RBFOX1: variants seen among roughly 807,000 people sequenced by gnomAD.
RBFOX1 encodes RNA binding fox-1 homolog 1.
A neutral mutation model predicts 57.7 loss-of-function variants in RBFOX1; 8 were observed. That is an observed-to-expected ratio of 0.14 (90% confidence interval 0.08 to 0.25). The LOEUF (loss-of-function observed/expected upper bound fraction) is 0.25. RBFOX1 is among the 10% of genes least tolerant of loss of function. RBFOX1 has a pLI of 1.00. For missense variants in RBFOX1, 611 were observed against 548.5 expected (o/e 1.11, Z -1.14); for synonymous variants, 326 against 222.4 (o/e 1.47, Z -4.15).
chr16:5,423,218 C>G (rs906264003), intron 1 of RBFOX1, among the ~76,000 whole-genome samples: 2 of 151,988 alleles, frequency 1.3e-5, no homozygotes, highest in Non-Finnish European at 2.9e-5. Flanking sequence ...CTCCGCTTCC[C>G]CCAAGGTGAC....
intron 3 of RBFOX1, among the ~76,000 whole-genome samples, chr16:6,768,181 A>C (rs1456304977): frequency 6.6e-6 from 1 of 152,002 alleles, no homozygotes; most frequent in Non-Finnish European, 1.5e-5. Context: ...TGGGCAATAG[A>C]GCTAGACTCC....
intron 1 of RBFOX1, among the ~76,000 whole-genome samples, chr16:6,131,959 T>G (rs1190394561): frequency 6.6e-6 from 1 of 152,208 alleles, no homozygotes; most frequent in African/African-American, 2.4e-5. Flanking sequence ...AAGCTTTGCT[T>G]AAAACTGATC....
intron 5 of RBFOX1, among the ~76,000 whole-genome samples, chr16:7,518,692 T>G (rs2076911065): frequency 6.6e-6 from 1 of 151,416 alleles, no homozygotes; most frequent in African/African-American, 2.4e-5. Context: ...CTCATTTTTT[T>G]GGAAAAAAAA....
chr16:5,329,794 T>C (rs966077030), intron 1 of RBFOX1, among the ~76,000 whole-genome samples: 2 of 152,036 alleles, frequency 1.3e-5, no homozygotes, highest in East Asian at 1.9e-4. Context: ...GGTCAGGAGA[T>C]CGAGACCATC....
intron 3 of RBFOX1, among the ~76,000 whole-genome samples, chr16:6,824,945 C>A (rs1442905581): frequency 7.1e-6 from 1 of 141,832 alleles, no homozygotes; most frequent in Non-Finnish European, 1.5e-5. Flanking sequence ...TTAAGTGCAT[C>A]CTTCTACACT....
intron 3 of RBFOX1, among the ~76,000 whole-genome samples, chr16:5,667,522 G>A (rs760628726): frequency 3.5e-4 from 54 of 152,212 alleles, no homozygotes; most frequent in Non-Finnish European, 6.6e-4. Context: ...AGTGAGCGAG[G>A]TCCATTAGTT....
chr16:7,034,196 T>G (rs570790347), intron 3 of RBFOX1, among the ~76,000 whole-genome samples: 179 of 152,242 alleles, frequency 1.2e-3, no homozygotes, highest in South Asian at 2.1e-3. Context: ...TGGCTCTGGT[T>G]TTTCCTAACT....
At chr16:5,274,277 T>TC (rs2151131431) in intron 1 of RBFOX1, among the ~76,000 whole-genome samples, 1 of 152,242 alleles carries the variant, frequency 6.6e-6, no homozygotes, top group African/African-American at 2.4e-5. Context: ...GCCTGTAATC[T>TC]CAGCCCTTTG....
chr16:6,101,277 G>C (rs942432491), intron 1 of RBFOX1, among the ~76,000 whole-genome samples: 2 of 151,986 alleles, frequency 1.3e-5, no homozygotes, highest in African/African-American at 4.8e-5. Flanking sequence ...TAGGCCTCTG[G>C]GTCTCCATCC....
rs140517229 is a variant in RBFOX1, at chr16:7,023,141, C to G, written c.-15-28916C>G. On this transcript the variant is annotated intron_variant, in intron 3 of 15. Transcript: ENST00000550418. ...CTGAGTAAATTCAAAGAAAATAAAA[C>G]ACATAGTGGGAGGCTGCAGAAGGAG... is the stretch of plus-strand genomic sequence containing the variant. Among the ~76,000 whole-genome samples the G allele has an allele frequency of 3.9e-4, 59 of 152,148 alleles. 1 individual carries two copies. The East Asian group carries it at 8.7e-3, about 22-fold the overall frequency.
intron 1 of RBFOX1, among the ~76,000 whole-genome samples, chr16:5,272,991 A>G (rs1321465952): frequency 6.6e-6 from 1 of 152,080 alleles, no homozygotes; most frequent in East Asian, 1.9e-4. Context: ...TATTCTTTAA[A>G]CTTTCAAACT....
At chr16:7,591,701 G>C (rs559840728) in intron 7 of RBFOX1, among the ~76,000 whole-genome samples, 10 of 152,162 alleles carry the variant, frequency 6.6e-5, no homozygotes, top group South Asian at 2.1e-4. Flanking sequence ...CCCTTCTTGC[G>C]GTCTTGATTT....
intron 1 of RBFOX1, among the ~76,000 whole-genome samples, chr16:5,298,005 C>A (rs1040176882): frequency 6.6e-6 from 1 of 152,140 alleles, no homozygotes; most frequent in Non-Finnish European, 1.5e-5. Context: ...TAGAATTGAA[C>A]ACAATGTTAT....
At chr16:6,306,051 G>C (rs574704406) in intron 1 of RBFOX1, among the ~76,000 whole-genome samples, 1 of 152,210 alleles carries the variant, frequency 6.6e-6, no homozygotes, top group African/African-American at 2.4e-5. Context: ...TATTTAAAGC[G>C]CGTTGGTTTT....
chr16:6,897,780 C>G (rs1052480714), intron 3 of RBFOX1, among the ~76,000 whole-genome samples: 4 of 152,228 alleles, frequency 2.6e-5, no homozygotes, highest in African/African-American at 7.2e-5. Context: ...GATGACAGAG[C>G]GAGATTCCGT....
intron 3 of RBFOX1, among the ~76,000 whole-genome samples, chr16:6,888,316 C>T (rs74008405): frequency 0.017 from 2,523 of 152,268 alleles, 63 homozygotes; most frequent in African/African-American, 0.057. Context: ...AGTAGTTACA[C>T]AGTTGGCAAT....
chr16:5,731,052 A>G (rs2052351531), intron 3 of RBFOX1, among the ~76,000 whole-genome samples: 1 of 148,386 alleles, frequency 6.7e-6, no homozygotes, highest in Non-Finnish European at 1.5e-5. Context: ...CACCACTGCC[A>G]TTGTCACCAA....
intron 1 of RBFOX1, among the ~76,000 whole-genome samples, chr16:5,311,918 C>T (rs1407712655): frequency 1.3e-5 from 2 of 152,140 alleles, no homozygotes; most frequent in South Asian, 2.1e-4. Context: ...CTCCTTGTTA[C>T]GGTGCTGTAA....
At chr16:6,819,726 A>G in intron 3 of RBFOX1, among the ~76,000 whole-genome samples, 1 of 129,098 alleles carries the variant, frequency 7.7e-6, no homozygotes, top group East Asian at 2.8e-4. Flanking sequence ...AAAAAAAAAA[A>G]AAAAATAACA....
Sources: allele counts gnomAD v4.1 joint callset (sites outside exome capture counted in the v4.1 genomes callset), GRCh38; gene constraint gnomAD v4.1.1; transcripts MANE v1.5; gene names NCBI Gene and HGNC (gene_info 2026-07-23, HGNC 2026-07-21).